Variants in ZNF227 observed in about 807,000 individuals in gnomAD.
The protein encoded by ZNF227 is zinc finger protein 227.
In ZNF227, 12 loss-of-function variants were observed where a neutral mutation model predicts 13.2. That is an observed-to-expected ratio of 0.91 (90% CI 0.58 to 1.47). The LOEUF is 1.47. ZNF227 is among the 40% of genes most tolerant of loss of function. The pLI is 0.00. For synonymous variants in ZNF227, 338 were observed against 326.0 expected, an observed-to-expected ratio of 1.04 and a Z score of -0.40; for missense variants, 885 against 967.5, an observed-to-expected ratio of 0.91 and a Z score of 1.13.
intron 3 of ZNF227, among the ~76,000 whole-genome samples, chr19:44,226,133 C>T (rs891476637): frequency 6.6e-6 from 1 of 152,176 alleles, no homozygotes; most frequent in Non-Finnish European, 1.5e-5. Flanking sequence ...CCTGATTGTT[C>T]CTCTGGAAGT....
At position 44,235,144 on chromosome 19, in the gene ZNF227, C is replaced by T; in HGVS notation, c.714C>T (p.Gly238=). The part of the protein sequence containing the change: ...GNEYGKIISD[G]SNQKLPLGEK... ...AATATGGCAAAATCATTAGTGATGG[C>T]TCCAATCAGAAATTACCCTTAGGAG... The change falls in exon 6 of 6, where the codon GGC becomes GGT. Residue 238 remains glycine (G), a synonymous_variant. Transcript: ENST00000313040. 6.2e-7 allele frequency: 1 copy of T among 1,614,124 alleles called. No individual in the cohort carries two copies. The highest frequency in any genetic ancestry group is 8.5e-7 in the Non-Finnish European group (1 of 1,180,036).
chr19:44,217,882 A>G (rs761412870), intron 3 of ZNF227, 30 bp downstream of exon 3: 6 of 1,609,408 alleles, frequency 3.7e-6, no homozygotes, highest in Non-Finnish European at 4.3e-6. Flanking sequence ...CTGTCTTTTA[A>G]AATGTGATTT....
chr19:44,235,485 A>G lies in ZNF227; in HGVS notation c.1055A>G (p.Tyr352Cys). ...HYRTHTGEKP[Y>C]KCEECGKCFS... is the part of the protein sequence containing the mutation. ...AGAACTCATACTGGAGAGAAACCCTATAAATGCGAGGAATGTGGTAAATGC... is the reference window on the plus strand; with the variant it reads ...AGAACTCATACTGGAGAGAAACCCTGTAAATGCGAGGAATGTGGTAAATGC... Residue 352 changes from tyrosine (Y) to cysteine (C), a missense_variant, in exon 6 of 6, where the codon TAT becomes TGT. Physicochemically the swap from Tyr to Cys is radical, Grantham distance 194. Transcript: ENST00000313040. 1.9e-6 allele frequency: 3 copies of G among 1,614,192 alleles called. No individual in the cohort carries two copies. The highest frequency in any genetic ancestry group is 1.7e-6 in the Non-Finnish European group (2 of 1,180,040).
chr19:44,236,518 CT>C lies in ZNF227; in HGVS notation c.2091del (p.Phe697LeufsTer5). 1 of 1,614,110 alleles carries C rather than the reference CT, an allele frequency of 6.2e-7. No homozygotes were observed. The highest frequency in any genetic ancestry group is 1.3e-5 in the African/African-American group (1 of 75,004). ...ACAAATGTGAAGAGTGTGGGAAAGG[CT>C]TTGGTAGGAGCTTGAATCTTCGCCA... ...PYKCEECGKGFGRSLNLRHHQ... is the reference protein window; with the variant it reads ...PYKCEECGKGXGRSLNLRHHQ... On this transcript the variant is annotated frameshift_variant, in exon 6 of 6. Transcript: ENST00000313040. LOFTEE classifies it low-confidence loss of function (END_TRUNC).
intron 2 of ZNF227, chr19:44,217,329 CT>C: frequency 2.4e-6 from 1 of 419,834 alleles, no homozygotes; most frequent in East Asian, 7.0e-5. Context: ...ACTCCTGGTT[CT>C]TAGAACTCTC....
chr19:44,219,646 C>T (rs2122723034), intron 3 of ZNF227, among the ~76,000 whole-genome samples: 1 of 151,832 alleles, frequency 6.6e-6, no homozygotes, highest in East Asian at 1.9e-4. Context: ...TAGCCGGGGT[C>T]TAGAGATTCA....
At position 44,236,387 on chromosome 19, in the gene ZNF227, GTCCAC is replaced by G. The variant is rs1162313914; in HGVS notation, c.1958_1962del (p.Val653AspfsTer9). 1 of 1,614,024 alleles carries G rather than the reference GTCCAC, an allele frequency of 6.2e-7. No homozygotes were observed. Among genetic ancestry groups the G allele is most frequent in the Non-Finnish European group, 8.5e-7 (1 of 1,180,042 alleles). On this transcript the variant is annotated frameshift_variant, in exon 6 of 6. Transcript: ENST00000313040. LOFTEE classifies it low-confidence loss of function (END_TRUNC). ...CTCTGGTCTTCAATCCCATCAGAGA[GTCCAC>G]ACGGGGGAAAAGCCATACAAATGTG...
At chr19:44,231,073 CAAAATT>C (rs973039869) in intron 5 of ZNF227, among the ~76,000 whole-genome samples, 1 of 150,514 alleles carries the variant, frequency 6.6e-6, no homozygotes, top group Non-Finnish European at 1.5e-5. Context: ...CCCACACACA[CAAAATT>C]AAAAGTAAAA....
chr19:44,236,531 T>G lies in ZNF227; in HGVS notation c.2101T>G (p.Leu701Val). The change falls in exon 6 of 6, where the codon TTG (leucine) becomes GTG (valine). Residue 701 changes from leucine to valine, a missense_variant. Transcript: ENST00000313040. ...GTGTGGGAAAGGCTTTGGTAGGAGC[T>G]TGAATCTTCGCCATCATCAGAGGGT... ...EECGKGFGRS[L>V]NLRHHQRVHT... 1.2e-6 allele frequency: 2 copies of G among 1,613,720 alleles called. No homozygotes were observed. The highest frequency in any genetic ancestry group is 1.7e-6 in the Non-Finnish European group (2 of 1,179,898).
chr19:44,226,994 G>C (rs192770375), intron 3 of ZNF227: 220 of 152,258 alleles, frequency 1.4e-3, no homozygotes, highest in African/African-American at 4.9e-3. Flanking sequence ...CTCTGTAAAA[G>C]GATCTTTGTA....
At chr19:44,228,293 G>T in intron 3 of ZNF227, 153 bp from the exon 4 acceptor site, 1 of 817,110 alleles carries the variant, frequency 1.2e-6, no homozygotes, top group South Asian at 1.9e-5. Context: ...GTAGGAGATA[G>T]TGAGACAGGG....
chr19:44,230,311 G>A (rs570174075), intron 5 of ZNF227, among the ~76,000 whole-genome samples: 11 of 152,162 alleles, frequency 7.2e-5, no homozygotes, highest in South Asian at 4.1e-4. Context: ...TGCCGCACCC[G>A]GCCCAGAATG....
chr19:44,236,954 C>T lies in ZNF227; in HGVS notation c.*124C>T. Reference sequence around the variant, plus strand: ...AAGGGGGTTTGTTCACACTTGGAATCTTTCTAACAAATCCATCAAGATGAT... The same window carrying T: ...AAGGGGGTTTGTTCACACTTGGAATTTTTCTAACAAATCCATCAAGATGAT... On this transcript the variant is annotated 3_prime_UTR_variant, in exon 6 of 6. Coordinates refer to ENST00000313040, the MANE Select transcript of ZNF227 (RefSeq NM_182490.3). 1.4e-6 allele frequency: 1 copy of T among 723,264 alleles called. No individual in the cohort carries two copies. Among genetic ancestry groups the T allele is most frequent in the South Asian group, 2.0e-5 (1 of 49,396 alleles). 44.8% of individuals were successfully genotyped at this position (723,264 alleles called of 1,614,324 possible).
chr19:44,211,238 C>T (rs78015888), upstream of ZNF227, among the ~76,000 whole-genome samples: 1 of 133,008 alleles, frequency 7.5e-6, no homozygotes, highest in Admixed American at 7.5e-5. Flanking sequence ...CAAAACAGAA[C>T]AAAAAAAAAA....
upstream of ZNF227, among the ~76,000 whole-genome samples, chr19:44,210,722 C>T (rs1010312140): frequency 6.6e-6 from 1 of 152,140 alleles, no homozygotes; most frequent in Non-Finnish European, 1.5e-5. Flanking sequence ...AAGAGAGAAA[C>T]AGCATCTGGA....
intron 3 of ZNF227, 41 bp from the exon 4 acceptor site, chr19:44,228,405 G>A (rs1973411553): frequency 6.3e-7 from 1 of 1,588,170 alleles, no homozygotes; most frequent in Non-Finnish European, 8.5e-7. Flanking sequence ...TCTAGTGAAG[G>A]TTGGTTGTAA....
At chr19:44,221,468 A>G (rs1972505956) in intron 3 of ZNF227, among the ~76,000 whole-genome samples, 1 of 152,068 alleles carries the variant, frequency 6.6e-6, no homozygotes, top group Admixed American at 6.6e-5. Context: ...CTGGTGTGAG[A>G]TGGTATCTCA....
Position 44,236,287 on chromosome 19 carries a change from T to C in ZNF227, c.1857T>C (p.Phe619=). ...AGAGCTTCAGTCAGGCCATAGATTT[T>C]CGGGTACATCAGAGAGTCCATACTG... ...CDKSFSQAID[F]RVHQRVHTGE... Residue 619 remains phenylalanine, a synonymous_variant, in exon 6 of 6, where the codon TTT becomes TTC. Transcript: ENST00000313040. 6.2e-7 allele frequency: 1 copy of C among 1,613,690 alleles called. No individual in the cohort carries two copies. The highest frequency in any genetic ancestry group is 8.5e-7 in the Non-Finnish European group (1 of 1,179,886).
intron 2 of ZNF227, 39 bp downstream of exon 2, chr19:44,213,283 GT>G (rs1971520837): frequency 1.3e-5 from 2 of 152,216 alleles, no homozygotes; most frequent in East Asian, 3.9e-4. Context: ...TCCATTTTCT[GT>G]CCTTTCAGTT....
Sources: gnomAD v4.1 joint callset for allele counts (sites outside exome capture counted in the v4.1 genomes callset) on GRCh38, gnomAD v4.1.1 for gene constraint, MANE v1.5 for transcripts, NCBI Gene and HGNC (gene_info 2026-07-23, HGNC 2026-07-21) for gene names.